LAMA4: variants seen among roughly 807,000 people sequenced by gnomAD.
LAMA4 encodes the protein laminin subunit alpha-4.
A neutral mutation model predicts 207.1 loss-of-function variants in LAMA4; 127 were observed. The observed-to-expected ratio is 0.61, with a 90% confidence interval of 0.53 to 0.71. The LOEUF (loss-of-function observed/expected upper bound fraction) is 0.71, where lower values mean the gene tolerates loss of function less well. Ranked by LOEUF, LAMA4 falls within the 30% of genes least tolerant of loss-of-function variation. LAMA4 has a pLI of 0.00. For synonymous variants in LAMA4, 761 were observed against 816.0 expected (o/e 0.93, Z 1.15); for missense variants, 2,093 against 2,246.5 (o/e 0.93, Z 1.38).
intron 2 of LAMA4, among the ~76,000 whole-genome samples, chr6:112,234,010 A>G (rs1483991359): frequency 6.6e-6 from 1 of 152,198 alleles, no homozygotes. Context: ...TGTTAGGCAC[A>G]TCTGGAAGCC....
chr6:112,212,202 C>G (rs1277171918), intron 3 of LAMA4, among the ~76,000 whole-genome samples: 1 of 150,470 alleles, frequency 6.6e-6, no homozygotes, highest in Non-Finnish European at 1.5e-5. Flanking sequence ...ATAGATAACT[C>G]ATTACTTGCA....
At position 112,213,774 on chromosome 6, in the gene LAMA4, G is replaced by A. The variant is rs1554357602; in HGVS notation, c.297+2594C>T. ...ATTGACATTGGACACTGGAATTGAGGAAGAATTAGAAGCAGTTGAAGGTGA... is the reference window on the plus strand; with the variant it reads ...ATTGACATTGGACACTGGAATTGAGAAAGAATTAGAAGCAGTTGAAGGTGA... On this transcript the variant is annotated intron_variant, in intron 3 of 38. Transcript: ENST00000230538. The A allele has an allele frequency of 1.4e-5, 5 of 359,244 alleles. 1 individual carries two copies. In the South Asian group the frequency reaches 3.9e-4, roughly 28 times the overall value. The allele number at this position is 359,244 out of a possible 1,614,324, so 22.3% of individuals were successfully genotyped here. A position where few individuals can be genotyped will look rare whatever the true frequency, so the allele number is the denominator to read the frequency against.
At chr6:112,125,073 T>C (rs937940015) in intron 31 of LAMA4, among the ~76,000 whole-genome samples, 1 of 152,240 alleles carries the variant, frequency 6.6e-6, no homozygotes, top group African/African-American at 2.4e-5. Flanking sequence ...CAATCTAAGA[T>C]AGGATAGTAT....
At chr6:112,221,609 C>T (rs1397487552) in intron 2 of LAMA4, among the ~76,000 whole-genome samples, 3 of 152,114 alleles carry the variant, frequency 2.0e-5, no homozygotes, top group African/African-American at 7.2e-5. Context: ...TTCCAGACAA[C>T]AATGATTTTT....
At chr6:112,171,229 T>A (rs530823677) in intron 12 of LAMA4, among the ~76,000 whole-genome samples, 5 of 151,626 alleles carry the variant, frequency 3.3e-5, no homozygotes, top group Admixed American at 1.3e-4. Context: ...TTTTTTTTTT[T>A]AAACTACTGG....
intron 5 of LAMA4, among the ~76,000 whole-genome samples, chr6:112,196,823 T>G (rs1026997571): frequency 6.6e-6 from 1 of 152,194 alleles, no homozygotes. Context: ...TATTTCTTAT[T>G]GAGAAAAAAT....
At chr6:112,194,128 A>G (rs1554349862) in intron 5 of LAMA4, among the ~76,000 whole-genome samples, 1 of 152,220 alleles carries the variant, frequency 6.6e-6, no homozygotes, top group East Asian at 1.9e-4. Flanking sequence ...CTAAGCCAGC[A>G]TAAATTATTC....
intron 18 of LAMA4, among the ~76,000 whole-genome samples, chr6:112,147,115 C>A (rs1047894396): frequency 1.3e-5 from 2 of 152,034 alleles, no homozygotes; most frequent in Non-Finnish European, 2.9e-5. Context: ...TTTTTTGAAA[C>A]TTCTGGATGC....
chr6:112,236,179 A>T (rs1312102237), intron 2 of LAMA4: 1 of 152,148 alleles, frequency 6.6e-6, no homozygotes, highest in Non-Finnish European at 1.5e-5. Context: ...TGGGGAAGTG[A>T]CTCAACTTCT....
chr6:112,160,443 A>AAAAC (rs71553355), intron 13 of LAMA4, among the ~76,000 whole-genome samples: 23 of 151,880 alleles, frequency 1.5e-4, no homozygotes, highest in Admixed American at 7.2e-4. Context: ...GTCAAAAAAC[A>AAAAC]AAACAAACAA....
chr6:112,192,425 T>TAGTA (rs1783173820), intron 5 of LAMA4, among the ~76,000 whole-genome samples: 2 of 152,316 alleles, frequency 1.3e-5, no homozygotes, highest in Middle Eastern at 3.4e-3. Flanking sequence ...AGGCAGCAGG[T>TAGTA]AGTACGCTTA....
intron 4 of LAMA4, among the ~76,000 whole-genome samples, chr6:112,204,507 C>T (rs990970937): frequency 6.6e-6 from 1 of 151,368 alleles, no homozygotes; most frequent in East Asian, 1.9e-4. Flanking sequence ...CAGCTCGACG[C>T]CTATAAACCT....
chr6:112,248,027 A>G (rs1387671434), intron 2 of LAMA4, among the ~76,000 whole-genome samples: 1 of 152,222 alleles, frequency 6.6e-6, no homozygotes, highest in African/African-American at 2.4e-5. Flanking sequence ...GAGTATTTAG[A>G]GTAGTTAAAT....
In LAMA4 at chr6:112,185,431, A is replaced by T. The variant is rs1057210137; in HGVS notation, c.967-84T>A. On this transcript the variant is annotated intron_variant, in intron 8 of 38. Transcript: ENST00000230538. ...CATAAAACTCTTTCAGTGTAAGAGGACTCAGAGTAGAGTGTGAGGCTCTTT... is the reference window on the plus strand; with the variant it reads ...CATAAAACTCTTTCAGTGTAAGAGGTCTCAGAGTAGAGTGTGAGGCTCTTT... The T allele has an allele frequency of 1.2e-5, 10 of 834,578 alleles. No individual in the cohort carries two copies. In the Admixed American group the frequency reaches 1.2e-4, roughly 10 times the overall value. 51.7% of individuals were successfully genotyped at this position (834,578 alleles called of 1,614,324 possible). A position where few individuals can be genotyped will look rare whatever the true frequency, so the allele number is the denominator to read the frequency against.
chr6:112,247,396 A>AATAAATTTAC (rs1787034817), intron 2 of LAMA4, among the ~76,000 whole-genome samples: 1 of 152,230 alleles, frequency 6.6e-6, no homozygotes, highest in African/African-American at 2.4e-5. Flanking sequence ...CAGAGGCTGC[A>AATAAATTTAC]AATAAATGAT....
chr6:112,115,945 C>T lies in LAMA4; in HGVS notation c.5030G>A (p.Arg1677His), dbSNP rs782174781. The T allele has an allele frequency of 2.1e-5, 34 of 1,613,114 alleles. No homozygotes were observed. The highest frequency in any genetic ancestry group is 5.0e-5 in the Admixed American group (3 of 59,984). ...CAGGGTTCCGGAACTGCTTCTGGGA[C>T]GGACTTCAAATGCAATTTCAAACTT... is the stretch of plus-strand genomic sequence containing the variant. ...GLKFEIAFEV[R>H]PRSSSGTLVH... Residue 1677 changes from arginine to histidine, a missense_variant, in exon 36 of 39, where the codon CGT becomes CAT. Around this residue, in one of 3 missense-constraint regions of LAMA4, gnomAD observed 383 missense variants for 437.8 expected, o/e 0.87. Coordinates refer to ENST00000230538, the MANE Select transcript of LAMA4 (RefSeq NM_001105206.3).
chr6:112,198,851 C>T (rs552858000), intron 5 of LAMA4, among the ~76,000 whole-genome samples: 1 of 152,282 alleles, frequency 6.6e-6, no homozygotes, highest in African/African-American at 2.4e-5. Flanking sequence ...CCAGGTCCCA[C>T]ACTCAAAACT....
Position 112,122,020 on chromosome 6 carries a change from C to T in LAMA4, c.4469G>A (p.Gly1490Asp). ...QEFEHLKGDF[G>D]AKSQFSIRLR... ...GTATAGTGTGTTACTTTACTTGGCA[C>T]CAAAATCTCCTTTTAAGTGTTCAAA... Residue 1490 changes from glycine (G) to aspartate (D), a missense_variant, in exon 32 of 39, where the codon GGT becomes GAT. Physicochemically the swap from Gly to Asp is moderately conservative, Grantham distance 94. Around this residue, in one of 3 missense-constraint regions of LAMA4, gnomAD observed 383 missense variants for 437.8 expected, o/e 0.87. Transcript: ENST00000230538. 3 of 1,613,834 alleles carry T rather than the reference C, an allele frequency of 1.9e-6. No homozygotes were observed. The highest frequency in any genetic ancestry group is 1.7e-5 in the Admixed American group (1 of 60,008).
chr6:112,205,826 G>A (rs1784027115), intron 4 of LAMA4, among the ~76,000 whole-genome samples: 1 of 152,028 alleles, frequency 6.6e-6, no homozygotes, highest in Non-Finnish European at 1.5e-5. Flanking sequence ...CCAGGGAGGA[G>A]AGGCTGGAGA....
Sources: gnomAD v4.1 joint callset for allele counts (sites outside exome capture counted in the v4.1 genomes callset) on GRCh38, gnomAD v4.1.1 for gene constraint, gnomAD v4.1.1 regional missense constraint, MANE v1.5 for transcripts, NCBI Gene and HGNC (gene_info 2026-07-23, HGNC 2026-07-21) for gene names.